Variants in KIAA1328 observed in about 807,000 individuals in gnomAD.
The protein encoded by KIAA1328 is protein hinderin.
Under a neutral mutation model 68.1 loss-of-function variants are expected in KIAA1328, and 52 were observed. The observed-to-expected ratio is 0.76, with a 90% CI of 0.61 to 0.96. The LOEUF (loss-of-function observed/expected upper bound fraction) is 0.96, where lower values mean the gene tolerates loss of function less well. KIAA1328 is among the 40% of genes least tolerant of loss of function. KIAA1328 has a pLI of 0.00. For synonymous variants in KIAA1328, 232 were observed against 239.4 expected (o/e 0.97, Z 0.28); for missense variants, 641 against 677.6 (o/e 0.95, Z 0.60).
intron 6 of KIAA1328, among the ~76,000 whole-genome samples, chr18:36,962,924 C>T (rs1384440620): frequency 1.3e-5 from 2 of 152,058 alleles, no homozygotes; most frequent in Non-Finnish European, 1.5e-5. Flanking sequence ...GAAGCAAGAG[C>T]AAACAAATTC....
chr18:36,982,762 G>T (rs576755241), intron 6 of KIAA1328, among the ~76,000 whole-genome samples: 2 of 151,926 alleles, frequency 1.3e-5, no homozygotes, highest in Non-Finnish European at 2.9e-5. Flanking sequence ...CATTTTAAAT[G>T]TAAATGCCTC....
chr18:36,965,772 TTTA>T (rs1407623523), intron 6 of KIAA1328, among the ~76,000 whole-genome samples: 1 of 151,478 alleles, frequency 6.6e-6, no homozygotes, highest in Non-Finnish European at 1.5e-5. Flanking sequence ...TTTATCTAAT[TTTA>T]TTTTGTTCTT....
At chr18:37,168,959 T>A (rs919224856) in intron 8 of KIAA1328, among the ~76,000 whole-genome samples, 2 of 151,862 alleles carry the variant, frequency 1.3e-5, no homozygotes, top group Non-Finnish European at 2.9e-5. Context: ...AAAAAAAAAT[T>A]GCCGTGAAAT....
chr18:37,091,731 G>A (rs2057273453), intron 7 of KIAA1328, among the ~76,000 whole-genome samples: 1 of 152,080 alleles, frequency 6.6e-6, no homozygotes, highest in African/African-American at 2.4e-5. Context: ...CTTTCTAGAG[G>A]GCTAAATTGT....
chr18:37,153,839 G>T (rs1599445886), intron 7 of KIAA1328, among the ~76,000 whole-genome samples: 1 of 140,310 alleles, frequency 7.1e-6, no homozygotes, highest in Non-Finnish European at 1.5e-5. Context: ...CTAAATCAAG[G>T]ACTTGTTCTT....
chr18:37,112,560 C>A (rs2057964984), intron 7 of KIAA1328, among the ~76,000 whole-genome samples: 1 of 152,138 alleles, frequency 6.6e-6, no homozygotes, highest in Admixed American at 6.5e-5. Context: ...GAAACCAGAG[C>A]AGAAAAGCTG....
intron 6 of KIAA1328, chr18:37,063,540 AAAG>A (rs1429789380): frequency 1.7e-6 from 1 of 582,344 alleles, no homozygotes; most frequent in Non-Finnish European, 2.2e-6. Flanking sequence ...ACACTCAAGG[AAAG>A]AAGATAATAA....
chr18:36,921,703 C>T (rs2049932478), intron 5 of KIAA1328, among the ~76,000 whole-genome samples: 1 of 152,118 alleles, frequency 6.6e-6, no homozygotes, highest in Non-Finnish European at 1.5e-5. Flanking sequence ...TGTGCCCGGC[C>T]TTTTCTTTAC....
intron 3 of KIAA1328, among the ~76,000 whole-genome samples, chr18:36,839,096 G>A (rs1304173672): frequency 6.6e-6 from 1 of 152,086 alleles, no homozygotes; most frequent in African/African-American, 2.4e-5. Context: ...TTGGGACTGT[G>A]GGTTTATAGT....
intron 5 of KIAA1328, among the ~76,000 whole-genome samples, chr18:36,908,196 T>C (rs1287469309): frequency 6.6e-6 from 1 of 152,206 alleles, no homozygotes; most frequent in African/African-American, 2.4e-5. Context: ...AGTTGTTTTC[T>C]TCTTATGGAG....
At chr18:37,196,884 A>G (rs1013929513) in intron 9 of KIAA1328, among the ~76,000 whole-genome samples, 2 of 152,124 alleles carry the variant, frequency 1.3e-5, no homozygotes, top group Non-Finnish European at 1.5e-5. Flanking sequence ...GGTAGAATTC[A>G]GCAGTGAATA....
At chr18:36,881,132 A>G (rs1225586879) in intron 4 of KIAA1328, among the ~76,000 whole-genome samples, 1 of 142,462 alleles carries the variant, frequency 7.0e-6, no homozygotes, top group Non-Finnish European at 1.5e-5. Context: ...TAGAAAGTTA[A>G]CTTGTTTTTT....
At chr18:36,829,801 GACTT>G in intron 1 of KIAA1328, among the ~76,000 whole-genome samples, 1 of 152,162 alleles carries the variant, frequency 6.6e-6, no homozygotes, top group Non-Finnish European at 1.5e-5. Context: ...AAGTATTGTT[GACTT>G]ACTTGTGGAG....
chr18:36,851,169 T>C (rs2047200890), intron 4 of KIAA1328, among the ~76,000 whole-genome samples: 1 of 152,156 alleles, frequency 6.6e-6, no homozygotes, highest in South Asian at 2.1e-4. Context: ...ACCAATTGGT[T>C]ATGTTATAAA....
intron 6 of KIAA1328, among the ~76,000 whole-genome samples, chr18:37,019,997 C>T (rs1375252054): frequency 6.6e-6 from 1 of 152,194 alleles, no homozygotes; most frequent in East Asian, 1.9e-4. Flanking sequence ...GTGAGTGATG[C>T]TCCAAATGCG....
chr18:37,146,458 T>C (rs565652263), intron 7 of KIAA1328, among the ~76,000 whole-genome samples: 1 of 152,228 alleles, frequency 6.6e-6, no homozygotes, highest in Non-Finnish European at 1.5e-5. Flanking sequence ...CTGTGGTATA[T>C]ATGTACCACA....
At chr18:36,958,862 T>A (rs74405710) in intron 5 of KIAA1328, among the ~76,000 whole-genome samples, 180 of 152,190 alleles carry the variant, frequency 1.2e-3, no homozygotes, top group Non-Finnish European at 1.9e-3. Flanking sequence ...TTTTTTTTTT[T>A]ATTTGGTTAC....
chr18:37,084,331 T>C lies in KIAA1328; in HGVS notation c.1232+16786T>C, dbSNP rs554548569. ...TAGCTCTATGTTGATTAATACAGTTTTGTGACCATATGAATACGTACATTC... is the reference window on the plus strand; with the variant it reads ...TAGCTCTATGTTGATTAATACAGTTCTGTGACCATATGAATACGTACATTC... On this transcript the variant is annotated intron_variant, in intron 7 of 9. Coordinates refer to ENST00000280020, the MANE Select transcript of KIAA1328 (RefSeq NM_020776.3). 3.4e-4 allele frequency: 174 copies of C among 518,812 alleles called. 2 individuals are homozygous for C. The highest frequency in any genetic ancestry group is 3.3e-3 in the African/African-American group (169 of 50,690). The allele number at this position is 518,812 out of a possible 1,614,324, so 32.1% of individuals were successfully genotyped here.
intron 6 of KIAA1328, among the ~76,000 whole-genome samples, chr18:36,967,836 T>C (rs1163484055): frequency 6.6e-6 from 1 of 152,010 alleles, no homozygotes; most frequent in Non-Finnish European, 1.5e-5. Context: ...CTCACTCTTA[T>C]CATGGGCATC....
Sources: gnomAD v4.1 joint callset for allele counts (sites outside exome capture counted in the v4.1 genomes callset) on GRCh38, gnomAD v4.1.1 for gene constraint, MANE v1.5 for transcripts, NCBI Gene and HGNC (gene_info 2026-07-23, HGNC 2026-07-21) for gene names.